SLC25A43: variants seen among roughly 807,000 people sequenced by gnomAD.
SLC25A43 encodes solute carrier family 25 member 43.
A neutral mutation model predicts 22.8 loss-of-function variants in SLC25A43; 10 were observed. The observed-to-expected ratio is 0.44, with a 90% CI of 0.27 to 0.74. The LOEUF is 0.74. Among genes scored for constraint, SLC25A43 ranks in the 30% least tolerant of loss-of-function variants. The pLI is 0.17. For synonymous variants in SLC25A43, 106 were observed against 121.6 expected, an observed-to-expected ratio of 0.87 and a Z score of 0.84; for missense variants, 233 against 279.1, an observed-to-expected ratio of 0.83 and a Z score of 1.18.
intron 1 of SLC25A43, among the ~76,000 whole-genome samples, chrX:119,401,498 A>C (rs2052237200): frequency 9.0e-6 from 1 of 111,301 alleles, no homozygotes; most frequent in Non-Finnish European, 1.9e-5. Flanking sequence ...TGAAGACTTC[A>C]TAGAGGAGAA....
chrX:119,413,060 A>G (rs746449614), intron 3 of SLC25A43, among the ~76,000 whole-genome samples: 11 of 110,012 alleles, frequency 1.0e-4, no homozygotes, highest in African/African-American at 3.6e-4. Context: ...TCGAGGTCAC[A>G]GTGAGCTATA....
At chrX:119,411,251 A>G (rs1472922044) in intron 3 of SLC25A43, among the ~76,000 whole-genome samples, 1 of 111,989 alleles carries the variant, frequency 8.9e-6, no homozygotes, top group Non-Finnish European at 1.9e-5. Flanking sequence ...CTGTAATCCC[A>G]GCACTTTGGG....
In SLC25A43 at chrX:119,410,381, G is replaced by A. The variant is rs201862927; in HGVS notation, c.690+19G>A. 8.3e-7 allele frequency: 1 copy of A among 1,206,285 alleles called. No individual in the cohort carries two copies. The highest frequency in any genetic ancestry group is 2.2e-5 in the Admixed American group (1 of 45,860). ...GATGCAGGTGAGGAGTTATCAGAGT[G>A]GGGTAGGGGGTGGAATGCTTTGTAG... On this transcript the variant is annotated intron_variant, in intron 3 of 4. Coordinates refer to ENST00000217909, the MANE Select transcript of SLC25A43 (RefSeq NM_145305.3).
At chrX:119,410,769 A>G (rs187639714) in intron 3 of SLC25A43, among the ~76,000 whole-genome samples, 1,632 of 110,907 alleles carry the variant, frequency 0.015, 10 homozygotes, top group Middle Eastern at 0.032. Flanking sequence ...GGCGCCTGTA[A>G]TCCCAGCCAC....
At chrX:119,449,443 T>C (rs1603299713) in intron 3 of SLC25A43, among the ~76,000 whole-genome samples, 1 of 89,908 alleles carries the variant, frequency 1.1e-5, no homozygotes, top group African/African-American at 4.3e-5. Context: ...GAAGAATGAA[T>C]TGGAGGCTGG....
chrX:119,424,689 G>A (rs1432545411), intron 3 of SLC25A43, among the ~76,000 whole-genome samples: 1 of 112,538 alleles, frequency 8.9e-6, no homozygotes, highest in Non-Finnish European at 1.9e-5. Context: ...ATCCGTTCAG[G>A]CTGCAATAAC....
chrX:119,405,958 G>A (rs1000019219), intron 1 of SLC25A43, among the ~76,000 whole-genome samples: 2 of 111,786 alleles, frequency 1.8e-5, no homozygotes, highest in African/African-American at 6.5e-5. Flanking sequence ...CTTGAACCTG[G>A]GGAACGGAAG....
At chrX:119,400,572 G>A (rs982298312) in intron 1 of SLC25A43, among the ~76,000 whole-genome samples, 3 of 112,226 alleles carry the variant, frequency 2.7e-5, no homozygotes, top group African/African-American at 9.7e-5. Flanking sequence ...TAGACAAACA[G>A]CCCACATTTG....
intron 3 of SLC25A43, among the ~76,000 whole-genome samples, chrX:119,434,175 A>G (rs766978986): frequency 5.0e-4 from 55 of 110,501 alleles, no homozygotes; most frequent in African/African-American, 1.7e-3. Context: ...AGACAGAGAA[A>G]ACTTAAAGGT....
intron 3 of SLC25A43, among the ~76,000 whole-genome samples, chrX:119,426,916 A>C (rs1023147306): frequency 1.8e-5 from 2 of 111,155 alleles, no homozygotes; most frequent in East Asian, 5.7e-4. Flanking sequence ...TAGACCTTGG[A>C]TATGTATAGC....
chrX:119,427,407 C>T (rs1603297386), intron 3 of SLC25A43, among the ~76,000 whole-genome samples: 2 of 112,359 alleles, frequency 1.8e-5, no homozygotes, highest in South Asian at 7.4e-4. Context: ...GGCATTCACA[C>T]TGGAGGGGAT....
chrX:119,430,942 A>G (rs2052547245), intron 3 of SLC25A43, among the ~76,000 whole-genome samples: 1 of 111,896 alleles, frequency 8.9e-6, no homozygotes, highest in Non-Finnish European at 1.9e-5. Context: ...ATGCTTTGGC[A>G]GCCACATCCA....
intron 3 of SLC25A43, among the ~76,000 whole-genome samples, chrX:119,442,067 G>T (rs2052627410): frequency 9.4e-6 from 1 of 106,526 alleles, no homozygotes; most frequent in South Asian, 4.0e-4. Flanking sequence ...TCCAGCCTGG[G>T]TGACAGAGCG....
chrX:119,420,726 A>T (rs1000007124), intron 3 of SLC25A43, among the ~76,000 whole-genome samples: 1 of 112,301 alleles, frequency 8.9e-6, no homozygotes, highest in African/African-American at 3.2e-5. Flanking sequence ...ATAAGAAGTT[A>T]CAAAAACAAA....
At chrX:119,405,595 C>CA (rs56389948) in intron 1 of SLC25A43, among the ~76,000 whole-genome samples, 20,348 of 50,438 alleles carry the variant, frequency 0.4, 5,771 homozygotes, top group East Asian at 0.52. Context: ...CCTATCTCTA[C>CA]AAAAAAAAAA....
intron 1 of SLC25A43, among the ~76,000 whole-genome samples, chrX:119,404,560 T>A (rs1359173217): frequency 9.0e-6 from 1 of 111,463 alleles, no homozygotes; most frequent in Non-Finnish European, 1.9e-5. Context: ...TCCAGAAGGT[T>A]CCCAAACCCT....
In SLC25A43 at chrX:119,406,467, G is replaced by T. The variant is rs2052297282; in HGVS notation, c.283G>T (p.Val95Leu). Residue 95 changes from valine (V) to leucine (L), a missense_variant, in exon 2 of 5, where the codon GTG (valine) becomes TTG (leucine). Coordinates refer to ENST00000217909, the MANE Select transcript of SLC25A43 (RefSeq NM_145305.3). ...VQLAAYRKFVVLFTDDLGHIS... is the reference protein window; with the variant it reads ...VQLAAYRKFVLLFTDDLGHIS... ...CCCCCTATTTTCTCCCAGATTTGTT[G>T]TGCTGTTCACAGATGACCTGGGCCA... The T allele has an allele frequency of 8.3e-7, 1 of 1,209,095 alleles. No individual in the cohort carries two copies. The highest frequency in any genetic ancestry group is 1.8e-5 in the South Asian group (1 of 56,686).
chrX:119,426,096 G>C, intron 3 of SLC25A43: 1 of 300,540 alleles, frequency 3.3e-6, no homozygotes, highest in East Asian at 2.2e-4. Context: ...AAGGTCCCAG[G>C]AAAGGTCTGC....
intron 2 of SLC25A43, among the ~76,000 whole-genome samples, chrX:119,406,963 ACT>A (rs753235436): frequency 8.9e-6 from 1 of 112,894 alleles, no homozygotes; most frequent in South Asian, 3.6e-4. Flanking sequence ...AATTCTAACC[ACT>A]CTCCATCTGA....
Sources: allele counts gnomAD v4.1 joint callset (sites outside exome capture counted in the v4.1 genomes callset), GRCh38; gene constraint gnomAD v4.1.1; transcripts MANE v1.5; gene names NCBI Gene and HGNC (gene_info 2026-07-23, HGNC 2026-07-21).